LRRC37B: variants seen among roughly 807,000 people sequenced by gnomAD.
The protein encoded by LRRC37B is leucine rich repeat containing 37B.
In LRRC37B, 28 loss-of-function variants were observed where a neutral mutation model predicts 98.3. The observed-to-expected ratio is 0.28, with a 90% CI of 0.21 to 0.39. The LOEUF is 0.39. Among genes scored for constraint, LRRC37B ranks in the 10% least tolerant of loss-of-function variants. The pLI is 1.00. For missense variants in LRRC37B, 938 were observed against 1,182.7 expected, an observed-to-expected ratio of 0.79 and a Z score of 3.03; for synonymous variants, 364 against 442.7, an observed-to-expected ratio of 0.82 and a Z score of 2.23.
At chr17:32,032,175 G>A (rs1165689049) in intron 5 of LRRC37B, among the ~76,000 whole-genome samples, 1 of 151,444 alleles carries the variant, frequency 6.6e-6, no homozygotes, top group Admixed American at 6.6e-5. Context: ...GCTGAGGGTC[G>A]AGAATGGCTT....
At chr17:32,053,091 AG>A (rs1911804469) in intron 11 of LRRC37B, 174 bp from the exon 15 acceptor site, 1 of 619,108 alleles carries the variant, frequency 1.6e-6, no homozygotes, top group Admixed American at 3.4e-5. Context: ...CAAGGTAGCA[AG>A]GATGACTGAA....
chr17:32,038,936 G>C (rs948650371), intron 7 of LRRC37B, among the ~76,000 whole-genome samples: 10 of 152,180 alleles, frequency 6.6e-5, no homozygotes, highest in African/African-American at 2.4e-4. Context: ...TCAGCTTTAA[G>C]TTAGCAATTT....
intron 5 of LRRC37B, chr17:32,034,130 A>G (rs1911178178): frequency 6.6e-6 from 1 of 152,196 alleles, no homozygotes; most frequent in Admixed American, 6.5e-5. Context: ...TTCTTTGGGT[A>G]TAAAGCAAAA....
At chr17:32,045,284 C>T (rs569145352) in intron 7 of LRRC37B, among the ~76,000 whole-genome samples, 155 of 152,130 alleles carry the variant, frequency 1.0e-3, no homozygotes, top group African/African-American at 3.5e-3. Flanking sequence ...ATTTTTAATG[C>T]CTAGAGTAAT....
Position 32,047,589 on chromosome 17 carries a change from T to C in LRRC37B, c.2324-172T>C, listed in dbSNP as rs542269370. ...TAGGTGGCCATGTCTTTTCCTCCTT[T>C]CGTTGTTGCCATTTCATAGGTTTAG... On this transcript the variant is annotated intron_variant, in intron 8 of 11. Transcript: ENST00000327564. The C allele has an allele frequency of 3.4e-6, 3 of 893,792 alleles. No individual in the cohort carries two copies. In the African/African-American group the frequency reaches 5.0e-5, roughly 15 times the overall value. 55.4% of individuals were successfully genotyped at this position (893,792 alleles called of 1,614,324 possible).
chr17:32,039,492 A>G (rs1474061105), intron 7 of LRRC37B, among the ~76,000 whole-genome samples: 3 of 29,486 alleles, frequency 1.0e-4, no homozygotes, highest in African/African-American at 5.1e-4. Context: ...ATATATATAT[A>G]TATATATATA....
At chr17:32,029,153 C>A (rs1275133002) in intron 3 of LRRC37B, among the ~76,000 whole-genome samples, 1 of 151,982 alleles carries the variant, frequency 6.6e-6, no homozygotes, top group Non-Finnish European at 1.5e-5. Flanking sequence ...AGGCACACGC[C>A]GCCATGCCCA....
At chr17:32,022,460 C>A in exon 1 of LRRC37B, 1 of 1,612,898 alleles carries the variant, frequency 6.2e-7, no homozygotes, top group Admixed American at 1.7e-5. Context: ...CGTCTCCAAC[C>A]ACGGAGGAAA....
chr17:32,008,421 C>G (rs1475696176), intron 1 of LRRC37B, among the ~76,000 whole-genome samples: 1 of 152,166 alleles, frequency 6.6e-6, no homozygotes, highest in Non-Finnish European at 1.5e-5. Flanking sequence ...TGCAGTGTCT[C>G]CACCGGGCAG....
intron 2 of LRRC37B, among the ~76,000 whole-genome samples, chr17:32,026,038 C>A (rs1028452549): frequency 6.6e-6 from 1 of 151,932 alleles, no homozygotes; most frequent in South Asian, 2.1e-4. Context: ...GTTTTCTGTC[C>A]TTTGTTCATT....
chr17:32,045,865 T>C (rs749525603), intron 8 of LRRC37B, 47 bp downstream of exon 11: 3 of 1,552,620 alleles, frequency 1.9e-6, no homozygotes, highest in Admixed American at 1.8e-5. Flanking sequence ...ATTTTAAGTA[T>C]TTGTTTTTAA....
Position 32,041,098 on chromosome 17 carries a change from A to T in LRRC37B, c.2205-4602A>T, listed in dbSNP as rs769749362. The T allele has an allele frequency of 5.2e-6, 4 of 767,000 alleles. No individual in the cohort carries two copies. The Admixed American group carries it at 6.9e-5, about 13-fold the overall frequency. 47.5% of individuals were successfully genotyped at this position (767,000 alleles called of 1,614,324 possible). On this transcript the variant is annotated intron_variant, in intron 7 of 11. Coordinates refer to ENST00000327564, the Ensembl canonical transcript of LRRC37B. ...CTGGCGGAGGCGCAGCTGAACTACC[A>T]CTGGCAGGCCATGCAGATCCTGGAC...
chr17:32,010,169 AG>A (rs966795305), intron 1 of LRRC37B, among the ~76,000 whole-genome samples: 7 of 152,300 alleles, frequency 4.6e-5, no homozygotes, highest in Middle Eastern at 3.4e-3. Flanking sequence ...TGCCTAACCC[AG>A]ATCTTGCCAG....
At chr17:32,010,014 G>A (rs1288046413) in intron 1 of LRRC37B, among the ~76,000 whole-genome samples, 1 of 152,166 alleles carries the variant, frequency 6.6e-6, no homozygotes, top group African/African-American at 2.4e-5. Context: ...TAGGTTCTGT[G>A]ATGCTCATAT....
chr17:32,021,055 A>G (rs1166787611), exon 1 of LRRC37B: 1 of 1,606,852 alleles, frequency 6.2e-7, no homozygotes, highest in Non-Finnish European at 8.5e-7. Context: ...AAGGTGTCAT[A>G]AAGACAGGGC....
At chr17:32,007,838 G>T, upstream of LRRC37B, 6 of 1,170,442 alleles carry the variant, frequency 5.1e-6, no homozygotes, top group Non-Finnish European at 6.3e-6. The surrounding 1 kb of genome is among the most constrained non-coding windows in gnomAD (Gnocchi z 4.1). Context: ...CACCGCCGCC[G>T]GCCCGCCCCG....
rs73282282 is a variant in LRRC37B, at chr17:32,008,928, T to C, written c.-191+796T>C. 7.6e-3 allele frequency among the ~76,000 whole-genome samples: 1,152 copies of C among 152,360 alleles called. 13 individuals carry two copies. Among genetic ancestry groups the C allele is most frequent in the African/African-American group, 0.026 (1,100 of 41,578 alleles). ...AAACATTTCCATCATGTTTTTTGTA[T>C]GAACGCAGACTTGTTTCTCTTGAGT... is the stretch of plus-strand genomic sequence containing the variant. On this transcript the variant is annotated intron_variant, in intron 1 of 14. Transcript: ENST00000543378.
chr17:32,021,673 A>G, exon 1 of LRRC37B: 1 of 1,614,254 alleles, frequency 6.2e-7, no homozygotes, highest in Middle Eastern at 1.6e-4. Flanking sequence ...GTTCCACTAG[A>G]CAGTAAGGTT....
intron 7 of LRRC37B, among the ~76,000 whole-genome samples, chr17:32,036,605 A>G (rs1259741774): frequency 2.0e-5 from 3 of 152,168 alleles, no homozygotes; most frequent in Non-Finnish European, 2.9e-5. Context: ...GGACTTTGGT[A>G]TCTGCAGGGG....
Sources: gnomAD v4.1 joint callset for allele counts (sites outside exome capture counted in the v4.1 genomes callset) on GRCh38, gnomAD v4.1.1 for gene constraint, Gnocchi (gnomAD v3.1) non-coding constraint, MANE v1.5 for transcripts, NCBI Gene and HGNC (gene_info 2026-07-23, HGNC 2026-07-21) for gene names.